Variants in KCNIP4 observed in about 807,000 individuals in gnomAD.
KCNIP4 encodes the protein potassium voltage-gated channel interacting protein 4, also known as Kv channel-interacting protein 4.
KCNIP4 carries 12 observed loss-of-function variants against 34.0 expected under a neutral mutation model. That is an observed-to-expected ratio of 0.35 (90% CI 0.23 to 0.57). The LOEUF is 0.57. Among genes scored for constraint, KCNIP4 ranks in the 20% least tolerant of loss-of-function variants. The pLI is 0.83. For missense variants in KCNIP4, 238 were observed against 311.7 expected (o/e 0.76, Z 1.78); for synonymous variants, 124 against 102.2 (o/e 1.21, Z -1.29).
chr4:20,849,022 C>A (rs1369350961), intron 3 of KCNIP4, among the ~76,000 whole-genome samples: 1 of 152,260 alleles, frequency 6.6e-6, no homozygotes, highest in East Asian at 1.9e-4. Flanking sequence ...TTGCAAATAC[C>A]TGCTGTCTCT....
At chr4:20,818,039 C>G (rs1716627477) in intron 3 of KCNIP4, among the ~76,000 whole-genome samples, 1 of 152,176 alleles carries the variant, frequency 6.6e-6, no homozygotes, top group African/African-American at 2.4e-5. Context: ...AAATAAATGT[C>G]TACTGCTGTT....
chr4:21,556,121 T>C (rs1738982950), intron 1 of KCNIP4, among the ~76,000 whole-genome samples: 2 of 152,152 alleles, frequency 1.3e-5, no homozygotes, highest in Admixed American at 1.3e-4. Flanking sequence ...GAGAAACATA[T>C]GTGTGTTTTG....
chr4:21,145,469 C>T (rs1167632513), intron 1 of KCNIP4, among the ~76,000 whole-genome samples: 1 of 152,130 alleles, frequency 6.6e-6, no homozygotes, highest in Non-Finnish European at 1.5e-5. Context: ...TGCAACTGAC[C>T]TATGAATTAC....
chr4:21,030,513 A>C (rs999412944), intron 1 of KCNIP4, among the ~76,000 whole-genome samples: 3 of 152,176 alleles, frequency 2.0e-5, no homozygotes, highest in Non-Finnish European at 4.4e-5. Context: ...CCATGGAAAA[A>C]GTGCCTTCAT....
At chr4:21,056,662 G>A (rs918503566) in intron 1 of KCNIP4, among the ~76,000 whole-genome samples, 5 of 152,084 alleles carry the variant, frequency 3.3e-5, no homozygotes, top group African/African-American at 9.7e-5. Context: ...CACCGTAAGT[G>A]TACTTCTAAT....
intron 1 of KCNIP4, among the ~76,000 whole-genome samples, chr4:21,885,083 GGCAA>G (rs1380470071): frequency 6.6e-6 from 1 of 152,050 alleles, no homozygotes; most frequent in African/African-American, 2.4e-5. Flanking sequence ...GCTCCATGAG[GGCAA>G]GCAAAGTTTT....
At chr4:21,907,918 G>T (rs191834016) in intron 1 of KCNIP4, among the ~76,000 whole-genome samples, 1 of 152,060 alleles carries the variant, frequency 6.6e-6, no homozygotes, top group South Asian at 2.1e-4. Flanking sequence ...AGTTTAAATT[G>T]TATCTGGTAT....
At chr4:20,983,064 A>G (rs988238403) in intron 1 of KCNIP4, among the ~76,000 whole-genome samples, 1 of 152,246 alleles carries the variant, frequency 6.6e-6, no homozygotes, top group Non-Finnish European at 1.5e-5. Flanking sequence ...TGTTTGATAC[A>G]TACATATACA....
At chr4:21,845,321 A>G (rs1723944890) in intron 1 of KCNIP4, 1 of 152,166 alleles carries the variant, frequency 6.6e-6, no homozygotes, top group Admixed American at 6.6e-5. Context: ...CTATATTCCA[A>G]TAAAACTTAT....
At chr4:20,857,294 T>A (rs1442131605) in intron 2 of KCNIP4, among the ~76,000 whole-genome samples, 1 of 152,080 alleles carries the variant, frequency 6.6e-6, no homozygotes, top group East Asian at 1.9e-4. Flanking sequence ...CACGGCATGA[T>A]CCCACGTAGG....
intron 1 of KCNIP4, among the ~76,000 whole-genome samples, chr4:21,893,581 A>G (rs879382017): frequency 1.3e-5 from 2 of 152,170 alleles, no homozygotes; most frequent in East Asian, 3.9e-4. Flanking sequence ...AGACAAATTC[A>G]TTACACACAA....
At chr4:20,764,116 T>G (rs1470906826) in intron 3 of KCNIP4, among the ~76,000 whole-genome samples, 1 of 152,186 alleles carries the variant, frequency 6.6e-6, no homozygotes, top group African/African-American at 2.4e-5. Context: ...CTTATGGTTC[T>G]GTATTCTATT....
At chr4:20,922,318 C>G (rs543711852) in intron 1 of KCNIP4, among the ~76,000 whole-genome samples, 3 of 152,256 alleles carry the variant, frequency 2.0e-5, no homozygotes, top group African/African-American at 7.2e-5. Context: ...CCATTGAGGG[C>G]CTCAATAGAA....
At chr4:20,931,133 C>T (rs1181971335) in intron 1 of KCNIP4, among the ~76,000 whole-genome samples, 1 of 151,502 alleles carries the variant, frequency 6.6e-6, no homozygotes, top group Non-Finnish European at 1.5e-5. Flanking sequence ...ATGGAAACAA[C>T]CTAAGAGTCA....
At chr4:21,809,241 C>A (rs1185366412) in intron 1 of KCNIP4, among the ~76,000 whole-genome samples, 1 of 152,132 alleles carries the variant, frequency 6.6e-6, no homozygotes, top group Non-Finnish European at 1.5e-5. Flanking sequence ...GGAGGAAGGG[C>A]AAATTCACTT....
At chr4:21,695,391 C>T (rs1026180995) in intron 1 of KCNIP4, among the ~76,000 whole-genome samples, 7 of 151,436 alleles carry the variant, frequency 4.6e-5, no homozygotes, top group African/African-American at 1.2e-4. Context: ...GATAATCTGT[C>T]GGTCCTTGTT....
chr4:21,799,279 T>C (rs1720845799), intron 1 of KCNIP4, among the ~76,000 whole-genome samples: 3 of 152,048 alleles, frequency 2.0e-5, no homozygotes, highest in African/African-American at 4.8e-5. Flanking sequence ...TTTAGAGAGG[T>C]GAACTTATGT....
intron 1 of KCNIP4, among the ~76,000 whole-genome samples, chr4:21,660,989 C>G (rs1447209158): frequency 6.6e-6 from 1 of 152,050 alleles, no homozygotes; most frequent in Non-Finnish European, 1.5e-5. Context: ...TTTCCAAGAC[C>G]ACTCTGGCCT....
intron 1 of KCNIP4, among the ~76,000 whole-genome samples, chr4:21,377,569 G>T (rs1311273942): frequency 1.3e-5 from 2 of 152,132 alleles, no homozygotes; most frequent in Non-Finnish European, 2.9e-5. Flanking sequence ...GATCTGCTGT[G>T]GGAGAAATAA....
Sources: allele counts gnomAD v4.1 joint callset (sites outside exome capture counted in the v4.1 genomes callset), GRCh38; gene constraint gnomAD v4.1.1; transcripts MANE v1.5; gene names NCBI Gene and HGNC (gene_info 2026-07-23, HGNC 2026-07-21).